The following THSD7A variants were observed in gnomAD, a reference collection of about 807,000 sequenced individuals.
The protein encoded by THSD7A is thrombospondin type 1 domain containing 7A, also known as thrombospondin type-1 domain-containing protein 7A.
A neutral mutation model predicts 231.3 loss-of-function variants in THSD7A; 96 were observed. The observed-to-expected ratio is 0.41, with a 90% CI of 0.35 to 0.49. The LOEUF (loss-of-function observed/expected upper bound fraction) is 0.49. Ranked by LOEUF, THSD7A falls within the 20% of genes least tolerant of loss-of-function variation. THSD7A has a pLI of 0.05. For synonymous variants in THSD7A, 940 were observed against 743.3 expected, an observed-to-expected ratio of 1.26 and a Z score of -4.30; for missense variants, 2,290 against 2,070.2, an observed-to-expected ratio of 1.11 and a Z score of -2.06.
chr7:11,723,930 G>C (rs1393105263), intron 1 of THSD7A, among the ~76,000 whole-genome samples: 2 of 151,886 alleles, frequency 1.3e-5, no homozygotes, highest in Non-Finnish European at 2.9e-5. Context: ...GAAGCTACTG[G>C]ATGGTTTCAT....
At chr7:11,809,538 T>C (rs1242398992) in intron 1 of THSD7A, among the ~76,000 whole-genome samples, 1 of 152,198 alleles carries the variant, frequency 6.6e-6, no homozygotes, top group Admixed American at 6.5e-5. Flanking sequence ...AGGAAGATTT[T>C]CATAGCCTTA....
At chr7:11,587,202 A>T (rs1779944210) in intron 4 of THSD7A, among the ~76,000 whole-genome samples, 1 of 152,202 alleles carries the variant, frequency 6.6e-6, no homozygotes, top group African/African-American at 2.4e-5. Context: ...TCTAGGACTC[A>T]TACAGATAAC....
chr7:11,543,273 A>G (rs1789232419), intron 4 of THSD7A, among the ~76,000 whole-genome samples, 156 bp from the exon 5 acceptor site: 1 of 152,254 alleles, frequency 6.6e-6, no homozygotes, highest in Non-Finnish European at 1.5e-5. Flanking sequence ...GAGAATAAAA[A>G]GAGAACGAAT....
At chr7:11,755,923 C>T (rs1290370453) in intron 1 of THSD7A, among the ~76,000 whole-genome samples, 1 of 151,914 alleles carries the variant, frequency 6.6e-6, no homozygotes, top group South Asian at 2.1e-4. Context: ...AGGAAAAATA[C>T]GCCGTATACA....
intron 1 of THSD7A, among the ~76,000 whole-genome samples, chr7:11,711,937 G>T (rs527588115): frequency 2.4e-4 from 37 of 151,026 alleles, no homozygotes; most frequent in African/African-American, 7.7e-4. Context: ...TCTCCATTTT[G>T]TCACCAGAAA....
At chr7:11,657,470 T>C (rs1159299505) in intron 1 of THSD7A, among the ~76,000 whole-genome samples, 1 of 151,766 alleles carries the variant, frequency 6.6e-6, no homozygotes, top group African/African-American at 2.4e-5. Context: ...ACCATTACTA[T>C]GGGTAAATCC....
intron 6 of THSD7A, among the ~76,000 whole-genome samples, chr7:11,507,802 A>T (rs73286808): frequency 3.9e-5 from 6 of 152,218 alleles, no homozygotes; most frequent in African/African-American, 1.4e-4. Flanking sequence ...GGATGGGAAA[A>T]ATATTTTAAA....
intron 26 of THSD7A, chr7:11,378,565 A>G (rs1007489417): frequency 6.4e-6 from 1 of 156,666 alleles, no homozygotes; most frequent in African/African-American, 2.4e-5. Context: ...ACAGATTCCA[A>G]GTATTTGAGT....
intron 2 of THSD7A, among the ~76,000 whole-genome samples, chr7:11,619,072 TA>T (rs1781217893): frequency 6.6e-6 from 1 of 152,034 alleles, no homozygotes; most frequent in East Asian, 1.9e-4. Flanking sequence ...AAAACTTTTT[TA>T]AACATCATTA....
chr7:11,762,111 A>G (rs758002773), intron 1 of THSD7A, among the ~76,000 whole-genome samples: 36 of 152,178 alleles, frequency 2.4e-4, no homozygotes, highest in Non-Finnish European at 4.4e-4. Flanking sequence ...ATAGTATTCC[A>G]TGGTGTATAC....
chr7:11,635,186 T>C (rs370444207), intron 2 of THSD7A, among the ~76,000 whole-genome samples: 3 of 152,168 alleles, frequency 2.0e-5, no homozygotes, highest in Non-Finnish European at 4.4e-5. Context: ...GAATAGACTG[T>C]GTGATAGAGT....
intron 1 of THSD7A, among the ~76,000 whole-genome samples, chr7:11,830,451 G>A (rs543591195): frequency 3.9e-5 from 6 of 152,334 alleles, no homozygotes; most frequent in Non-Finnish European, 8.8e-5. Flanking sequence ...CTAAATTAGA[G>A]ATCTTCAAAT....
intron 6 of THSD7A, among the ~76,000 whole-genome samples, chr7:11,518,499 T>C (rs927124551): frequency 2.6e-5 from 4 of 152,118 alleles, no homozygotes; most frequent in African/African-American, 9.7e-5. Context: ...GCTGGCATTG[T>C]TCTAGGTGCA....
chr7:11,506,410 A>C (rs910132615), intron 6 of THSD7A, among the ~76,000 whole-genome samples: 51 of 152,200 alleles, frequency 3.4e-4, no homozygotes, highest in African/African-American at 1.2e-3. Context: ...TACTACATTC[A>C]TTTACATCCT....
At chr7:11,762,705 T>C (rs888196426) in intron 1 of THSD7A, among the ~76,000 whole-genome samples, 1 of 152,220 alleles carries the variant, frequency 6.6e-6, no homozygotes, top group African/African-American at 2.4e-5. Context: ...ACTCTGTTGA[T>C]TGTTTCTTTT....
intron 1 of THSD7A, among the ~76,000 whole-genome samples, chr7:11,642,257 T>G (rs1725448): frequency 0.71 from 107,279 of 151,912 alleles, 38,275 homozygotes; most frequent in South Asian, 0.82. Context: ...GAAAATCTGG[T>G]GGAGTGGTGT....
intron 17 of THSD7A, among the ~76,000 whole-genome samples, chr7:11,416,768 C>A (rs371048528): frequency 8.5e-4 from 130 of 152,162 alleles, no homozygotes; most frequent in Non-Finnish European, 1.1e-3. Context: ...AAATGTCTTA[C>A]ATAAGCAGCC....
chr7:11,809,401 T>C (rs1175774181), intron 1 of THSD7A, among the ~76,000 whole-genome samples: 1 of 152,180 alleles, frequency 6.6e-6, no homozygotes, highest in African/African-American at 2.4e-5. Flanking sequence ...ACTATTATAG[T>C]TGTGGCTGTC....
chr7:11,698,381 A>T (rs2128143856), intron 1 of THSD7A, among the ~76,000 whole-genome samples: 1 of 151,356 alleles, frequency 6.6e-6, no homozygotes, highest in East Asian at 2.0e-4. Flanking sequence ...ACGGTATTTC[A>T]TTTCAGCTTT....
Sources: gnomAD v4.1 joint callset for allele counts (sites outside exome capture counted in the v4.1 genomes callset) on GRCh38, gnomAD v4.1.1 for gene constraint, MANE v1.5 for transcripts, NCBI Gene and HGNC (gene_info 2026-07-23, HGNC 2026-07-21) for gene names.